The following KAT14 variants were observed in gnomAD, a reference collection of about 807,000 sequenced individuals.
KAT14 encodes lysine acetyltransferase 14, also known as cysteine-rich protein 2-binding protein.
KAT14 carries 66 observed loss-of-function variants against 78.4 expected under a neutral mutation model. The ratio of observed to expected loss-of-function variants is 0.84; its 90% CI spans 0.69 to 1.03. KAT14 has a LOEUF of 1.03. KAT14 is among the 50% of genes least tolerant of loss of function. The pLI is 0.00. For missense variants in KAT14, 870 were observed against 972.5 expected (o/e 0.89, Z 1.40); for synonymous variants, 344 against 359.4 (o/e 0.96, Z 0.48).
chr20:18,165,518 T>C (rs1406561174), intron 7 of KAT14, among the ~76,000 whole-genome samples: 1 of 152,162 alleles, frequency 6.6e-6, no homozygotes, highest in African/African-American at 2.4e-5. Flanking sequence ...CCAGAGAGCA[T>C]AGCCCTGCCC....
At chr20:18,170,993 A>G (rs935215866) in intron 7 of KAT14, among the ~76,000 whole-genome samples, 9 of 152,210 alleles carry the variant, frequency 5.9e-5, no homozygotes, top group Admixed American at 5.9e-4. Context: ...TTGACTTTCA[A>G]GTCTTACCAT....
At chr20:18,183,012 G>A in intron 8 of KAT14, 111 bp from the exon 9 acceptor site, 2 of 1,419,616 alleles carry the variant, frequency 1.4e-6, no homozygotes, top group Non-Finnish European at 1.9e-6. Flanking sequence ...AAACAGTGCA[G>A]GTTACTTTAA....
At chr20:18,158,772 G>A (rs542744648) in intron 4 of KAT14, among the ~76,000 whole-genome samples, 12 of 152,250 alleles carry the variant, frequency 7.9e-5, no homozygotes, top group African/African-American at 2.4e-4. Flanking sequence ...TTCCATAATC[G>A]TGATGATTGT....
intron 4 of KAT14, among the ~76,000 whole-genome samples, chr20:18,156,193 C>CACAG (rs1200932649): frequency 6.6e-6 from 1 of 152,096 alleles, no homozygotes; most frequent in Non-Finnish European, 1.5e-5. Context: ...TAGTGAAAAT[C>CACAG]ACAGATACAG....
At position 18,142,368 on chromosome 20, in the gene KAT14, A is replaced by C; in HGVS notation, c.-293A>C. On this transcript the variant is annotated 5_prime_UTR_variant, in exon 2 of 11. An upstream open reading frame in the 5' UTR loses its in-frame stop. Transcript: ENST00000688188. ...TCTCAAAAATCATGACTTGAATGTG[A>C]AATATCTGTTGGACAGACAACACGA... The C allele has an allele frequency of 6.5e-7, 1 of 1,535,308 alleles. No individual in the cohort carries two copies. Among genetic ancestry groups the C allele is most frequent in the Non-Finnish European group, 8.7e-7 (1 of 1,145,480 alleles).
At chr20:18,176,178 T>C (rs1270521663) in intron 7 of KAT14, among the ~76,000 whole-genome samples, 3 of 151,750 alleles carry the variant, frequency 2.0e-5, no homozygotes, top group Admixed American at 6.6e-5. Flanking sequence ...GGCGCGTGCC[T>C]GTAGTCCCAC....
chr20:18,165,508 C>G (rs1182417480), intron 7 of KAT14, among the ~76,000 whole-genome samples: 2 of 152,140 alleles, frequency 1.3e-5, no homozygotes, highest in African/African-American at 4.8e-5. Flanking sequence ...AGTGCGTACC[C>G]CAGAGAGCAT....
chr20:18,146,921 T>G (rs368600206), intron 3 of KAT14, among the ~76,000 whole-genome samples: 1 of 152,320 alleles, frequency 6.6e-6, no homozygotes, highest in East Asian at 1.9e-4. Context: ...GTACCTGTTA[T>G]GAACCAGGTG....
At chr20:18,165,806 A>G (rs1265487340) in intron 7 of KAT14, among the ~76,000 whole-genome samples, 2 of 152,114 alleles carry the variant, frequency 1.3e-5, no homozygotes, top group Non-Finnish European at 1.5e-5. Flanking sequence ...AGGAAGTGGG[A>G]TCCTCTGTAT....
At chr20:18,151,189 T>TTATA (rs1397199790) in intron 4 of KAT14, among the ~76,000 whole-genome samples, 1 of 149,602 alleles carries the variant, frequency 6.7e-6, no homozygotes, top group Admixed American at 6.6e-5. Context: ...CATGCCTGGC[T>TTATA]TATTTATTTA....
intron 8 of KAT14, among the ~76,000 whole-genome samples, chr20:18,182,519 A>G (rs1248517124): frequency 6.6e-6 from 1 of 152,240 alleles, no homozygotes; most frequent in Admixed American, 6.5e-5. Flanking sequence ...TCTGGACTGG[A>G]TGTATATGAA....
intron 2 of KAT14, among the ~76,000 whole-genome samples, chr20:18,144,766 A>G (rs902891660): frequency 6.6e-6 from 1 of 152,226 alleles, no homozygotes. Context: ...CACTGTGAGC[A>G]TGGAGAACCA....
chr20:18,182,253 C>A (rs991878888), intron 8 of KAT14, among the ~76,000 whole-genome samples: 1 of 151,932 alleles, frequency 6.6e-6, no homozygotes, highest in African/African-American at 2.4e-5. Context: ...TCCCAAGTAG[C>A]TGGGATTATA....
At chr20:18,152,935 A>G (rs1023004082) in intron 4 of KAT14, among the ~76,000 whole-genome samples, 2 of 152,150 alleles carry the variant, frequency 1.3e-5, no homozygotes, top group African/African-American at 4.8e-5. Flanking sequence ...TATTTTCACT[A>G]AATGTCCACG....
intron 7 of KAT14, among the ~76,000 whole-genome samples, chr20:18,177,118 A>G (rs2039078067): frequency 6.6e-6 from 1 of 152,098 alleles, no homozygotes; most frequent in African/African-American, 2.4e-5. Context: ...GTGGCTTTTG[A>G]TCCCTGTATC....
intron 7 of KAT14, among the ~76,000 whole-genome samples, chr20:18,174,954 C>T (rs957275838): frequency 6.6e-6 from 1 of 152,006 alleles, no homozygotes; most frequent in Non-Finnish European, 1.5e-5. Flanking sequence ...CATGAGCCAC[C>T]GCGCCCGGCG....
At chr20:18,137,212 T>A (rs1395711439), upstream of KAT14, among the ~76,000 whole-genome samples, 1 of 152,064 alleles carries the variant, frequency 6.6e-6, no homozygotes, top group Non-Finnish European at 1.5e-5. Flanking sequence ...GAGAATCGCT[T>A]GAATCCGGTA....
intron 7 of KAT14, among the ~76,000 whole-genome samples, chr20:18,168,556 T>C (rs1297276102): frequency 1.3e-5 from 2 of 152,142 alleles, no homozygotes; most frequent in Non-Finnish European, 1.5e-5. Flanking sequence ...TTGTTTCTTA[T>C]CAATTAAGTG....
At chr20:18,148,258 G>C (rs2037896708) in intron 3 of KAT14, among the ~76,000 whole-genome samples, 4 of 152,174 alleles carry the variant, frequency 2.6e-5, no homozygotes, top group Admixed American at 1.3e-4. Context: ...AAAGAGGTCT[G>C]ATCTCCTGAT....
Sources: gnomAD v4.1 joint callset for allele counts (sites outside exome capture counted in the v4.1 genomes callset) on GRCh38, gnomAD v4.1.1 for gene constraint, MANE v1.5 for transcripts, NCBI Gene and HGNC (gene_info 2026-07-23, HGNC 2026-07-21) for gene names.